The following FRMPD4 variants were observed in gnomAD, a reference collection of about 807,000 sequenced individuals.
FRMPD4 encodes FERM and PDZ domain containing 4.
In FRMPD4, 22 loss-of-function variants were observed where a neutral mutation model predicts 94.1. The ratio of observed to expected loss-of-function variants is 0.23; its 90% confidence interval spans 0.17 to 0.33. The LOEUF (loss-of-function observed/expected upper bound fraction) is 0.33. Among genes scored for constraint, FRMPD4 ranks in the 10% least tolerant of loss-of-function variants. FRMPD4 has a pLI of 1.00. For missense variants in FRMPD4, 1,111 were observed against 1,339.9 expected (o/e 0.83, Z 2.67); for synonymous variants, 631 against 548.6 (o/e 1.15, Z -2.10).
At chrX:12,577,496 G>A (rs766036953) in intron 2 of FRMPD4, among the ~76,000 whole-genome samples, 266 of 110,913 alleles carry the variant, frequency 2.4e-3, no homozygotes, top group Non-Finnish European at 3.5e-3. Context: ...GCAAGGAGAT[G>A]AGAGTGTGTG....
Position 12,716,802 on chromosome X carries a change from T to C in FRMPD4, c.2343T>C (p.Ile781=). The change falls in exon 15 of 17, where the codon ATT becomes ATC. Residue 781 remains isoleucine, a synonymous_variant. Coordinates refer to ENST00000675598, the MANE Select transcript of FRMPD4 (RefSeq NM_001368397.1). ...LNLSGSSDDI[I]DLTSLPPPEG... is the part of the protein sequence containing the mutation. ...TGTCTGGGTCAAGCGATGACATCATTGACCTCACATCCCTGCCCCCTCCAG... is the reference window on the plus strand; with the variant it reads ...TGTCTGGGTCAAGCGATGACATCATCGACCTCACATCCCTGCCCCCTCCAG... 1 of 1,211,330 alleles carries C rather than the reference T, an allele frequency of 8.3e-7. No homozygotes were observed. Among genetic ancestry groups the C allele is most frequent in the Non-Finnish European group, 1.1e-6 (1 of 895,163 alleles).
intron 1 of FRMPD4, among the ~76,000 whole-genome samples, chrX:12,463,370 A>G (rs2057410722): frequency 9.0e-6 from 1 of 111,585 alleles, no homozygotes; most frequent in Admixed American, 9.5e-5. Flanking sequence ...TATCAATGCC[A>G]ATTTGCTAGC....
intron 1 of FRMPD4, among the ~76,000 whole-genome samples, chrX:11,859,027 T>C (rs2053669561): frequency 8.9e-6 from 1 of 112,222 alleles, no homozygotes; most frequent in Non-Finnish European, 1.9e-5. Flanking sequence ...ATTTATTTTT[T>C]CCTATCCTTG....
intron 1 of FRMPD4, among the ~76,000 whole-genome samples, chrX:12,298,785 C>G (rs146049278): frequency 0.028 from 3,149 of 112,092 alleles, 46 homozygotes; most frequent in Non-Finnish European, 0.043. Flanking sequence ...ACGAGAGCAT[C>G]CAACCTAAAA....
chrX:12,182,198 C>T (rs1601669061), intron 1 of FRMPD4, among the ~76,000 whole-genome samples: 1 of 111,521 alleles, frequency 9.0e-6, no homozygotes, highest in Non-Finnish European at 1.9e-5. Flanking sequence ...AGTCCAATGT[C>T]TACTCTTTTT....
chrX:11,824,542 C>T (rs1277753449), intron 1 of FRMPD4, among the ~76,000 whole-genome samples: 1 of 111,299 alleles, frequency 9.0e-6, no homozygotes, highest in African/African-American at 3.3e-5. Flanking sequence ...TTGTGACAAC[C>T]CAAAATATCT....
intron 1 of FRMPD4, among the ~76,000 whole-genome samples, chrX:12,342,104 C>A (rs1352475022): frequency 1.8e-5 from 2 of 112,038 alleles, no homozygotes; most frequent in Admixed American, 9.5e-5. Flanking sequence ...GATGGGTTGA[C>A]TGATGTTTAT....
chrX:12,664,763 G>T (rs2059757558), intron 4 of FRMPD4, among the ~76,000 whole-genome samples: 1 of 111,939 alleles, frequency 8.9e-6, no homozygotes, highest in African/African-American at 3.3e-5. Flanking sequence ...GTTTGGAATA[G>T]TTTCAGAAGG....
chrX:12,217,882 C>A (rs2056825130), intron 1 of FRMPD4, among the ~76,000 whole-genome samples: 1 of 111,749 alleles, frequency 8.9e-6, no homozygotes, highest in Admixed American at 9.5e-5. Flanking sequence ...TGTATGTTGC[C>A]ATTTAAACTA....
rs1472140814 is a variant in FRMPD4 at position 12,644,889 on chromosome X, G to A, written c.423-29974G>A. ...TCATTTACCTGGAGAAACTGCATGT[G>A]AATAACAGCAAAGCAAGTCGAGAGT... On this transcript the variant is annotated intron_variant, in intron 4 of 16. Transcript: ENST00000675598. Among the ~76,000 whole-genome samples the A allele has an allele frequency of 3.6e-5, 4 of 112,022 alleles. No homozygotes were observed. In the East Asian group the frequency reaches 1.1e-3, roughly 31 times the overall value.
chrX:12,233,429 C>G (rs886320384), intron 1 of FRMPD4, among the ~76,000 whole-genome samples: 4 of 111,021 alleles, frequency 3.6e-5, no homozygotes, highest in African/African-American at 6.6e-5. Context: ...ATCTGGCAAC[C>G]CTATATGTTT....
chrX:12,053,359 G>GAAGAAAGAAAGAAAGAAAGA lies in FRMPD4; in HGVS notation c.95+175394_95+175413dup, dbSNP rs57459327. On this transcript the variant is annotated intron_variant, in intron 3 of 18. Transcript: ENST00000640291. Reference sequence around the variant, plus strand: ...GAAAGAAAGAAAGAAAGGAAAGAAAGAAGAAAGAAAGAAAGAAAGAAAGAA... The same window carrying GAAGAAAGAAAGAAAGAAAGA: ...GAAAGAAAGAAAGAAAGGAAAGAAAGAAGAAAGAAAGAAAGAAAGAAAGAAAGAAAGAAAGAAAGAAAGAA... Among the ~76,000 whole-genome samples, 42 of 51,430 alleles carry GAAGAAAGAAAGAAAGAAAGA rather than the reference G, an allele frequency of 8.2e-4. 1 individual carries two copies. The highest frequency in any genetic ancestry group is 1.2e-3 in the East Asian group (2 of 1,641). The allele number at this position is 51,430 out of a possible 115,157, so 44.7% of individuals were successfully genotyped here. A position where few individuals can be genotyped will look rare whatever the true frequency, so the allele number is the denominator to read the frequency against.
chrX:12,139,140 G>T (rs2055650014), intron 1 of FRMPD4, 128 bp downstream of exon 1: 2 of 484,343 alleles, frequency 4.1e-6, no homozygotes, highest in Non-Finnish European at 6.4e-6. Flanking sequence ...AAACGAAGTG[G>T]CCGGGGGCTT....
intron 1 of FRMPD4, among the ~76,000 whole-genome samples, chrX:12,299,293 A>AAGGAGG (rs60479551): frequency 9.2e-6 from 1 of 109,014 alleles, no homozygotes; most frequent in Non-Finnish European, 1.9e-5. Flanking sequence ...GGAGGAGGTA[A>AAGGAGG]AGGAGGAGGA....
intron 1 of FRMPD4, among the ~76,000 whole-genome samples, chrX:12,303,167 A>G (rs1049377376): frequency 8.9e-6 from 1 of 112,304 alleles, no homozygotes; most frequent in Non-Finnish European, 1.9e-5. Context: ...TGTCAACTCT[A>G]TGTAAAGAAT....
chrX:11,942,644 A>G (rs1182028699), intron 3 of FRMPD4, among the ~76,000 whole-genome samples: 1 of 111,930 alleles, frequency 8.9e-6, no homozygotes, highest in Non-Finnish European at 1.9e-5. Context: ...GTCTTCCACA[A>G]TGTTGGTCTC....
intron 1 of FRMPD4, among the ~76,000 whole-genome samples, chrX:12,450,122 G>A (rs755552261): frequency 1.8e-5 from 2 of 110,016 alleles, no homozygotes; most frequent in African/African-American, 6.6e-5. Context: ...AAAGCCAAAG[G>A]AATGATTAAA....
rs756340816 is a variant in FRMPD4, at chrX:12,249,615, T to G, written c.41+110603T>G. Among the ~76,000 whole-genome samples, 7 of 111,231 alleles carry G rather than the reference T, an allele frequency of 6.3e-5. No homozygotes were observed. In the South Asian group the frequency reaches 1.9e-3, roughly 31 times the overall value. On this transcript the variant is annotated intron_variant, in intron 1 of 16. Coordinates refer to ENST00000675598, the MANE Select transcript of FRMPD4 (RefSeq NM_001368397.1). ...ACCATCATTATCATCCCTAACACAT[T>G]TATTGACTATTTTCCCTATTCAGAG...
intron 1 of FRMPD4, among the ~76,000 whole-genome samples, chrX:12,278,986 C>T (rs192612988): frequency 8.9e-6 from 1 of 112,638 alleles, no homozygotes; most frequent in Admixed American, 9.3e-5. Context: ...GCTAAGCAGT[C>T]ACTTGTTTAT....
Sources: gnomAD v4.1 joint callset for allele counts (sites outside exome capture counted in the v4.1 genomes callset) on GRCh38, gnomAD v4.1.1 for gene constraint, MANE v1.5 for transcripts, NCBI Gene and HGNC (gene_info 2026-07-23, HGNC 2026-07-21) for gene names.